The following FANCB variants were observed in gnomAD, a reference collection of about 807,000 sequenced individuals.
FANCB encodes Fanconi anemia group B protein.
In FANCB, 5 loss-of-function variants were observed where a neutral mutation model predicts 38.9. The observed-to-expected ratio is 0.13, with a 90% CI of 0.07 to 0.27. The LOEUF (loss-of-function observed/expected upper bound fraction) is 0.27. Ranked by LOEUF, FANCB falls within the 10% of genes least tolerant of loss-of-function variation. FANCB has a pLI of 1.00. For synonymous variants in FANCB, 236 were observed against 215.4 expected, an observed-to-expected ratio of 1.10 and a Z score of -0.84; for missense variants, 573 against 602.7, an observed-to-expected ratio of 0.95 and a Z score of 0.52.
chrX:14,774,010 C>T, the FANCB span, among the ~76,000 whole-genome samples: 23 of 112,018 alleles, frequency 2.1e-4, no homozygotes, highest in Admixed American at 1.3e-3. Context: ...AAAGGAGCAA[C>T]TGCCTCAAAG....
the FANCB span, among the ~76,000 whole-genome samples, chrX:14,796,532 TTA>T: frequency 3.7e-4 from 36 of 98,199 alleles, no homozygotes; most frequent in East Asian, 1.2e-3. Flanking sequence ...ATATAATCTA[TTA>T]TATATGTTAT....
the FANCB span, among the ~76,000 whole-genome samples, chrX:14,757,923 C>T: frequency 9.0e-6 from 1 of 111,678 alleles, no homozygotes; most frequent in Non-Finnish European, 1.9e-5. Flanking sequence ...CCTGAAAGCC[C>T]TACTTGCTTT....
the FANCB span, among the ~76,000 whole-genome samples, chrX:14,813,999 C>G: frequency 1.8e-5 from 2 of 111,551 alleles, no homozygotes; most frequent in East Asian, 5.6e-4. Context: ...TGGAACAGAA[C>G]AGAAGCCTCA....
chrX:14,691,452 A>G, the FANCB span, among the ~76,000 whole-genome samples: 1 of 111,665 alleles, frequency 9.0e-6, no homozygotes, highest in African/African-American at 3.3e-5. Context: ...TGGCCTCATT[A>G]TCTCAACTTA....
chrX:14,774,364 T>G, the FANCB span, among the ~76,000 whole-genome samples: 53 of 111,984 alleles, frequency 4.7e-4, no homozygotes, highest in South Asian at 4.4e-3. Context: ...GAAATGCCAA[T>G]GCAACTGAAT....
the FANCB span, among the ~76,000 whole-genome samples, chrX:14,711,986 T>A: frequency 8.8e-6 from 1 of 113,043 alleles, no homozygotes; most frequent in South Asian, 3.6e-4. Flanking sequence ...TGCCAGATGG[T>A]TAAAAGATAC....
At chrX:14,767,605 T>C in the FANCB span, among the ~76,000 whole-genome samples, 2 of 111,501 alleles carry the variant, frequency 1.8e-5, no homozygotes, top group Non-Finnish European at 3.8e-5. Flanking sequence ...GATGGAGAGA[T>C]TGCAAAAATT....
intron 2 of FANCB, among the ~76,000 whole-genome samples, chrX:14,866,323 T>C (rs911167902): frequency 2.7e-5 from 3 of 112,308 alleles, no homozygotes; most frequent in Non-Finnish European, 3.8e-5. Flanking sequence ...ATAATATCAA[T>C]CATTCAAGCT....
the FANCB span, among the ~76,000 whole-genome samples, chrX:14,767,254 T>C: frequency 8.9e-6 from 1 of 111,819 alleles, no homozygotes; most frequent in Non-Finnish European, 1.9e-5. Flanking sequence ...AGGTCTTTGA[T>C]GAATCACCAT....
the FANCB span, among the ~76,000 whole-genome samples, chrX:14,781,156 G>A: frequency 9.0e-6 from 1 of 110,707 alleles, no homozygotes; most frequent in Non-Finnish European, 1.9e-5. Flanking sequence ...TAGGCTGAGC[G>A]TGGTGGCTCA....
chrX:14,722,102 A>C, the FANCB span, among the ~76,000 whole-genome samples: 3 of 111,943 alleles, frequency 2.7e-5, no homozygotes, highest in Non-Finnish European at 1.9e-5. Flanking sequence ...CTATTACTGC[A>C]TAATAAATCA....
chrX:14,767,899 A>G, the FANCB span, among the ~76,000 whole-genome samples: 3 of 112,252 alleles, frequency 2.7e-5, no homozygotes, highest in African/African-American at 6.5e-5. Flanking sequence ...AGTTTTCTGC[A>G]TATGGCTAGC....
chrX:14,721,149 G>T, the FANCB span, among the ~76,000 whole-genome samples: 30 of 108,632 alleles, frequency 2.8e-4, no homozygotes, highest in African/African-American at 1.0e-3. Context: ...ATACTGTTGG[G>T]GTTTATATAT....
the FANCB span, among the ~76,000 whole-genome samples, chrX:14,814,146 C>A: frequency 2.9e-4 from 32 of 111,472 alleles, no homozygotes; most frequent in African/African-American, 1.0e-3. Context: ...AACTGGATCC[C>A]TTCCTTACAC....
chrX:14,756,447 T>C, the FANCB span, among the ~76,000 whole-genome samples: 22 of 112,155 alleles, frequency 2.0e-4, no homozygotes, highest in African/African-American at 7.1e-4. Context: ...TCAGGATATA[T>C]AAGCAACTCA....
At chrX:14,803,706 C>T in the FANCB span, among the ~76,000 whole-genome samples, 2 of 111,323 alleles carry the variant, frequency 1.8e-5, no homozygotes, top group Admixed American at 9.6e-5. Flanking sequence ...TTCTTTCTTT[C>T]TTTCTTTTTC....
chrX:14,765,067 T>C, the FANCB span, among the ~76,000 whole-genome samples: 1 of 112,329 alleles, frequency 8.9e-6, no homozygotes, highest in Non-Finnish European at 1.9e-5. Context: ...ATACTTATAT[T>C]ACAAAATTTT....
chrX:14,721,053 G>A, the FANCB span, among the ~76,000 whole-genome samples: 2 of 106,766 alleles, frequency 1.9e-5, no homozygotes, highest in Non-Finnish European at 3.8e-5. Context: ...CTGGGTAGTC[G>A]AGGCTGCAGT....
At chrX:14,767,440 G>A in the FANCB span, among the ~76,000 whole-genome samples, 4 of 111,592 alleles carry the variant, frequency 3.6e-5, no homozygotes, top group Non-Finnish European at 7.5e-5. Context: ...TCTAATGATC[G>A]GTGACATTGA....
Sources: allele counts gnomAD v4.1 joint callset (sites outside exome capture counted in the v4.1 genomes callset), GRCh38; gene constraint gnomAD v4.1.1; transcripts MANE v1.5; gene names NCBI Gene and HGNC (gene_info 2026-07-23, HGNC 2026-07-21).